Variants in GFRA1 observed in about 807,000 individuals in gnomAD.
GFRA1 encodes the protein GDNF family receptor alpha 1.
A neutral mutation model predicts 51.6 loss-of-function variants in GFRA1; 16 were observed. The ratio of observed to expected loss-of-function variants is 0.31; its 90% CI spans 0.21 to 0.47. The LOEUF (loss-of-function observed/expected upper bound fraction) is 0.47, where lower values mean the gene tolerates loss of function less well. GFRA1 is among the 20% of genes least tolerant of loss of function. The pLI, the probability that GFRA1 is intolerant of heterozygous loss-of-function variation, is 1.00. For missense variants in GFRA1, 530 were observed against 594.3 expected (o/e 0.89, Z 1.13); for synonymous variants, 270 against 241.3 (o/e 1.12, Z -1.10).
At position 116,157,641 on chromosome 10, in the gene GFRA1, C is replaced by G. The variant is rs551952860; in HGVS notation, c.434-32084G>C. On this transcript the variant is annotated intron_variant, in intron 5 of 10. Coordinates refer to ENST00000355422, the MANE Select transcript of GFRA1 (RefSeq NM_005264.8). ...GCCTATCCTCACCAATCCACCCTCT[C>G]CTCCCATGAGACTCCTCCTCCCCTC... Among the ~76,000 whole-genome samples the G allele has an allele frequency of 5.9e-5, 9 of 152,348 alleles. No individual in the cohort carries two copies. The South Asian group carries it at 1.7e-3, about 28-fold the overall frequency.
chr10:116,239,651 G>A (rs7920532), intron 4 of GFRA1, among the ~76,000 whole-genome samples: 137,972 of 152,264 alleles, frequency 0.91, 63,945 homozygotes, highest in Non-Finnish European at 1. Flanking sequence ...ATTTAGAATG[G>A]AATTCTTTTT....
intron 5 of GFRA1, among the ~76,000 whole-genome samples, chr10:116,196,796 T>C (rs1392133252): frequency 1.5e-5 from 2 of 134,392 alleles, no homozygotes; most frequent in Non-Finnish European, 1.5e-5. Context: ...TAATATATAA[T>C]ACATATATAA....
In GFRA1 at chr10:116,175,767, C is replaced by T. The variant is rs566768721; in HGVS notation, c.433+35864G>A. 2.6e-5 allele frequency among the ~76,000 whole-genome samples: 4 copies of T among 152,310 alleles called. No homozygotes were observed. In the East Asian group the frequency reaches 7.7e-4, roughly 29 times the overall value. On this transcript the variant is annotated intron_variant, in intron 5 of 10. Transcript: ENST00000355422. ...TAATAAAAGGAAACAAAGCATTCAGCAGCACTGCTTTTCAAATTCAGGAGG... is the reference window on the plus strand; with the variant it reads ...TAATAAAAGGAAACAAAGCATTCAGTAGCACTGCTTTTCAAATTCAGGAGG...
Position 116,060,926 on chromosome 10 carries a change from A to T in GFRA1, c.*3472T>A, listed in dbSNP as rs1481011988. 5 of 152,214 alleles carry T rather than the reference A, an allele frequency of 3.3e-5. No individual in the cohort carries two copies. The highest frequency in any genetic ancestry group is 1.5e-5 in the Non-Finnish European group (1 of 68,036). The allele number at this position is 152,214 out of a possible 1,614,324, so 9.4% of individuals were successfully genotyped here. On this transcript the variant is annotated 3_prime_UTR_variant, in exon 11 of 11. Transcript: ENST00000355422. ...ATTTCCGCTGAATTCTGAGAAAAGA[A>T]TTCGCTAATTATATAAACTCCCACT...
Position 116,125,221 on chromosome 10 carries a change from C to G in GFRA1, c.770G>C (p.Arg257Thr). The part of the protein sequence containing the change: ...QDSCKTNYIC[R>T]SRLADFFTNC... Reference sequence around the variant, plus strand: ...TCACCAGCTGCCAGTGCCCACTTACCTGCAGATGTAATTCGTCTTGCAGGA... The same window carrying G: ...TCACCAGCTGCCAGTGCCCACTTACGTGCAGATGTAATTCGTCTTGCAGGA... The change falls in exon 6 of 11, where the codon AGA (arginine) becomes ACA (threonine). Residue 257 changes from arginine to threonine, a missense_variant and splice_region_variant. Transcript: ENST00000355422. 1 of 1,613,312 alleles carries G rather than the reference C, an allele frequency of 6.2e-7. No homozygotes were observed. The highest frequency in any genetic ancestry group is 1.3e-5 in the African/African-American group (1 of 75,068).
intron 5 of GFRA1, among the ~76,000 whole-genome samples, chr10:116,160,631 G>A (rs1959660135): frequency 6.6e-6 from 1 of 152,134 alleles, no homozygotes; most frequent in South Asian, 2.1e-4. Context: ...CATGACAAAG[G>A]CATACAATTA....
At chr10:116,167,784 A>G (rs1188767030) in intron 5 of GFRA1, among the ~76,000 whole-genome samples, 1 of 152,216 alleles carries the variant, frequency 6.6e-6, no homozygotes, top group Non-Finnish European at 1.5e-5. Context: ...AGTGACCAGG[A>G]CACAACCTGA....
Position 116,060,790 on chromosome 10 carries a change from A to C in GFRA1, c.*3608T>G, listed in dbSNP as rs1449898384. The C allele has an allele frequency of 6.7e-6, 1 of 149,070 alleles. No homozygotes were observed. Among genetic ancestry groups the C allele is most frequent in the Non-Finnish European group, 1.5e-5 (1 of 67,770 alleles). The allele number at this position is 149,070 out of a possible 1,614,324, so 9.2% of individuals were successfully genotyped here. ...GCAGCCCTTTTCTGGTCCACAGTTT[A>C]TTGATTCAAGTACATCGTGCATGTC... On this transcript the variant is annotated 3_prime_UTR_variant, in exon 11 of 11. Transcript: ENST00000355422.
intron 5 of GFRA1, among the ~76,000 whole-genome samples, chr10:116,134,657 A>C (rs1958245766): frequency 6.6e-6 from 1 of 152,202 alleles, no homozygotes. Context: ...CATACCTTAC[A>C]CAACTACATT....
At position 116,243,469 on chromosome 10, in the gene GFRA1, A is replaced by G. The variant is rs145929690; in HGVS notation, c.418+26034T>C. Among the ~76,000 whole-genome samples, 861 of 151,728 alleles carry G rather than the reference A, an allele frequency of 5.7e-3. 4 individuals carry two copies. The highest frequency in any genetic ancestry group is 8.8e-3 in the Non-Finnish European group (595 of 67,924). The stretch of plus-strand genomic sequence containing the variant: ...AACCGGAAATGATACAGGTATATAG[A>G]CAATCTTCCCCCAACCCTGCCCCCC... On this transcript the variant is annotated intron_variant, in intron 4 of 10. Coordinates refer to ENST00000355422, the MANE Select transcript of GFRA1 (RefSeq NM_005264.8).
rs1004571002 is a variant in GFRA1, at chr10:116,061,827, A to G, written c.*2571T>C. The G allele has an allele frequency of 1.3e-5, 5 of 396,492 alleles. No homozygotes were observed. Among genetic ancestry groups the G allele is most frequent in the Non-Finnish European group, 2.2e-5 (5 of 225,294 alleles). 24.6% of individuals were successfully genotyped at this position (396,492 alleles called of 1,614,324 possible). ...TTATTGTGCTCCAGTTCTGGGGCAA[A>G]TGATGGTGTTTTAGGGTCACCGTGT... On this transcript the variant is annotated 3_prime_UTR_variant, in exon 11 of 11. Transcript: ENST00000355422.
chr10:116,076,889 A>T (rs1955640800), intron 9 of GFRA1, among the ~76,000 whole-genome samples: 1 of 152,230 alleles, frequency 6.6e-6, no homozygotes, highest in South Asian at 2.1e-4. Context: ...AACATGAACC[A>T]TAATTCCAAT....
intron 9 of GFRA1, among the ~76,000 whole-genome samples, chr10:116,082,946 C>A (rs1448195723): frequency 6.6e-6 from 1 of 152,158 alleles, no homozygotes; most frequent in South Asian, 2.1e-4. Flanking sequence ...GAGGCCACTT[C>A]CCCCAGTCCA....
At chr10:116,171,702 T>C (rs17094294) in intron 5 of GFRA1, among the ~76,000 whole-genome samples, 1,670 of 152,344 alleles carry the variant, frequency 0.011, 36 homozygotes, top group African/African-American at 0.038. Context: ...TGTTAGCCGC[T>C]GCTGAGACAG....
At chr10:116,119,810 A>C (rs531626062) in intron 6 of GFRA1, among the ~76,000 whole-genome samples, 3 of 152,328 alleles carry the variant, frequency 2.0e-5, no homozygotes, top group Admixed American at 6.5e-5. Context: ...AGACCAAATA[A>C]ATTATGGGAG....
chr10:116,106,844 G>T (rs917396135), intron 6 of GFRA1, among the ~76,000 whole-genome samples: 1 of 152,096 alleles, frequency 6.6e-6, no homozygotes, highest in Non-Finnish European at 1.5e-5. Context: ...GATCCCTCAT[G>T]GCTTGGTGCT....
chr10:116,123,027 A>T (rs1957709922), intron 6 of GFRA1, among the ~76,000 whole-genome samples: 1 of 152,228 alleles, frequency 6.6e-6, no homozygotes, highest in African/African-American at 2.4e-5. Flanking sequence ...CAGGAATTGG[A>T]GTTTCACATC....
intron 4 of GFRA1, among the ~76,000 whole-genome samples, chr10:116,250,841 C>A (rs545717114): frequency 7.9e-5 from 12 of 152,180 alleles, no homozygotes; most frequent in African/African-American, 2.9e-4. Flanking sequence ...CACAGGGCAG[C>A]GGAAGGAGAT....
At chr10:116,222,619 G>A (rs1966005439) in intron 4 of GFRA1, among the ~76,000 whole-genome samples, 1 of 152,172 alleles carries the variant, frequency 6.6e-6, no homozygotes, top group Non-Finnish European at 1.5e-5. Context: ...AAGATTACAG[G>A]AAATCAAGCT....
Sources: gnomAD v4.1 joint callset for allele counts (sites outside exome capture counted in the v4.1 genomes callset) on GRCh38, gnomAD v4.1.1 for gene constraint, MANE v1.5 for transcripts, NCBI Gene and HGNC (gene_info 2026-07-23, HGNC 2026-07-21) for gene names.